DIRAS1: variants seen among roughly 807,000 people sequenced by gnomAD.
DIRAS1 encodes the protein DIRAS family GTPase 1, also known as GTP-binding protein Di-Ras1.
In DIRAS1, 3 loss-of-function variants were observed where a neutral mutation model predicts 11.5. The ratio of observed to expected loss-of-function variants is 0.26; its 90% CI spans 0.12 to 0.67. DIRAS1 has a LOEUF of 0.67. DIRAS1 is among the 30% of genes least tolerant of loss of function. DIRAS1 has a pLI of 0.80. For synonymous variants in DIRAS1, 128 were observed against 125.8 expected (o/e 1.02, Z -0.12); for missense variants, 212 against 285.3 (o/e 0.74, Z 1.85).
Position 2,717,095 on chromosome 19 carries a change from G to C in DIRAS1, c.*115C>G. ...GGGGGCGGTGGCCTCGGTTTCCCCA[G>C]CCGAGGTGTCGGAGGAAGGATGAGA... is the stretch of plus-strand genomic sequence containing the variant. On this transcript the variant is annotated 3_prime_UTR_variant, in exon 2 of 2. Transcript: ENST00000323469. The C allele has an allele frequency of 1.7e-6, 2 of 1,192,040 alleles. No homozygotes were observed. Among genetic ancestry groups the C allele is most frequent in the Non-Finnish European group, 2.3e-6 (2 of 862,878 alleles). The allele number at this position is 1,192,040 out of a possible 1,614,324, so 73.8% of individuals were successfully genotyped here. A position where few individuals can be genotyped will look rare whatever the true frequency, so the allele number is the denominator to read the frequency against.
At chr19:2,719,708 G>C (rs1200533689) in intron 1 of DIRAS1, among the ~76,000 whole-genome samples, 1 of 152,036 alleles carries the variant, frequency 6.6e-6, no homozygotes, top group Non-Finnish European at 1.5e-5. Flanking sequence ...GAGGTTCCCC[G>C]GGGGTCAGTG....
In DIRAS1 at chr19:2,715,256, A is replaced by C. The variant is rs1913758153; in HGVS notation, c.*1954T>G. Reference sequence around the variant, plus strand: ...ATGACTACAGAGACACATGTGTGCAATCTCTCTCTCTCTCTCACTGCACAA... The same window carrying C: ...ATGACTACAGAGACACATGTGTGCACTCTCTCTCTCTCTCTCACTGCACAA... On this transcript the variant is annotated 3_prime_UTR_variant, in exon 2 of 2. Transcript: ENST00000323469. 6.6e-6 allele frequency: 1 copy of C among 150,508 alleles called. No homozygotes were observed. The allele number at this position is 150,508 out of a possible 1,614,324, so 9.3% of individuals were successfully genotyped here.
At chr19:2,719,794 G>A (rs1488387584) in intron 1 of DIRAS1, among the ~76,000 whole-genome samples, 1 of 152,190 alleles carries the variant, frequency 6.6e-6, no homozygotes, top group Non-Finnish European at 1.5e-5. Flanking sequence ...CACTGTTGGG[G>A]CAAGTAAGGT....
chr19:2,721,132 GC>G (rs1455228715), intron 1 of DIRAS1, among the ~76,000 whole-genome samples, 171 bp downstream of exon 1: 11 of 144,272 alleles, frequency 7.6e-5, no homozygotes, highest in Non-Finnish European at 1.3e-4. Context: ...GGCCGGCCGG[GC>G]CCGGCGGGAA....
rs1394673549 is a variant in DIRAS1, at chr19:2,718,865, G to C, written c.-69-990C>G. Among the ~76,000 whole-genome samples the C allele has an allele frequency of 6.6e-6, 1 of 151,704 alleles. No individual in the cohort carries two copies. The highest frequency in any genetic ancestry group is 1.5e-5 in the Non-Finnish European group (1 of 68,004). ...AAACCAAGTCTTGCTCTGTTGCCCA[G>C]GTTGGAGTTCAGTGGTGCAATCTCG... On this transcript the variant is annotated intron_variant, in intron 1 of 1. Transcript: ENST00000323469. The surrounding 1 kb of genome is among the most constrained non-coding windows in gnomAD (Gnocchi z 4.2).
Position 2,715,295 on chromosome 19 carries a change from C to A in DIRAS1, c.*1915G>T, listed in dbSNP as rs1023279726. The A allele has an allele frequency of 6.6e-6, 1 of 152,206 alleles. No individual in the cohort carries two copies. Among genetic ancestry groups the A allele is most frequent in the Non-Finnish European group, 1.5e-5 (1 of 68,070 alleles). 9.4% of individuals were successfully genotyped at this position (152,206 alleles called of 1,614,324 possible). On this transcript the variant is annotated 3_prime_UTR_variant, in exon 2 of 2. Transcript: ENST00000323469. ...CTCACTGCACAAAAGGGCGTGCGCA[C>A]ACACACACGTTGCTTCCTCACACCC...
In DIRAS1 at chr19:2,716,009, GAC is replaced by G. The variant is rs1913779269; in HGVS notation, c.*1199_*1200del. 2 of 152,252 alleles carry G rather than the reference GAC, an allele frequency of 1.3e-5. No individual in the cohort carries two copies. Among genetic ancestry groups the G allele is most frequent in the African/African-American group, 4.8e-5 (2 of 41,418 alleles). The allele number at this position is 152,252 out of a possible 1,614,324, so 9.4% of individuals were successfully genotyped here. On this transcript the variant is annotated 3_prime_UTR_variant, in exon 2 of 2. Coordinates refer to ENST00000323469, the MANE Select transcript of DIRAS1 (RefSeq NM_145173.4). ...CCACAAAAACATATCATCCCAGACAGACACACACAGGTATACACGCAGATGCA... is the reference window on the plus strand; with the variant it reads ...CCACAAAAACATATCATCCCAGACAGACACACAGGTATACACGCAGATGCA...
rs781478643 is a variant in DIRAS1 at position 2,717,651 on chromosome 19, C to G, written c.156G>C (p.Lys52Asn). The change falls in exon 2 of 2, where the codon AAG (lysine) becomes AAC (asparagine). Residue 52 changes from lysine (K) to asparagine (N), a missense_variant. This residue lies in a region of DIRAS1 where 128 missense variants were observed against 205.3 expected (regional missense o/e 0.62). Coordinates refer to ENST00000323469, the MANE Select transcript of DIRAS1 (RefSeq NM_145173.4). ...DTYRQVISCD[K>N]SVCTLQITDT... Reference sequence around the variant, plus strand: ...CTGTGATCTGCAGCGTGCACACGCTCTTGTCGCAGCTGATCACCTGCCGGT... The same window carrying G: ...CTGTGATCTGCAGCGTGCACACGCTGTTGTCGCAGCTGATCACCTGCCGGT... 5 of 1,613,086 alleles carry G rather than the reference C, an allele frequency of 3.1e-6. No homozygotes were observed. Among genetic ancestry groups the G allele is most frequent in the Non-Finnish European group, 4.2e-6 (5 of 1,179,996 alleles).
chr19:2,718,132 G>A lies in DIRAS1; in HGVS notation c.-69-257C>T, dbSNP rs1352719649. Among the ~76,000 whole-genome samples the A allele has an allele frequency of 6.6e-6, 1 of 152,210 alleles. No individual in the cohort carries two copies. Among genetic ancestry groups the A allele is most frequent in the African/African-American group, 2.4e-5 (1 of 41,460 alleles). On this transcript the variant is annotated intron_variant, in intron 1 of 1. Coordinates refer to ENST00000323469, the MANE Select transcript of DIRAS1 (RefSeq NM_145173.4). This position sits in a 1 kb window ranked among gnomAD's most constrained non-coding sequence, Gnocchi z 4.2. ...TTCCCCGGGGGACGCTGAGCTAGGA[G>A]AGGCGTGGGAGACGCCGGGATGCCC...
In DIRAS1 at chr19:2,717,873, A is replaced by T. The variant is rs1913864598; in HGVS notation, c.-67T>A. 1.3e-6 allele frequency: 2 copies of T among 1,482,612 alleles called. No homozygotes were observed. Among genetic ancestry groups the T allele is most frequent in the Non-Finnish European group, 1.8e-6 (2 of 1,109,700 alleles). The allele number at this position is 1,482,612 out of a possible 1,614,324, so 91.8% of individuals were successfully genotyped here. A position where few individuals can be genotyped will look rare whatever the true frequency, so the allele number is the denominator to read the frequency against. On this transcript the variant is annotated splice_region_variant and 5_prime_UTR_variant, in exon 2 of 2. Coordinates refer to ENST00000323469, the MANE Select transcript of DIRAS1 (RefSeq NM_145173.4). The stretch of plus-strand genomic sequence containing the variant: ...TGCCAGCTGCAAGAACCCCAGACCG[A>T]GCCTGTGCAGAGAGGAGGGTCACAC...
At position 2,717,074 on chromosome 19, in the gene DIRAS1, G is replaced by A. The variant is rs989642407; in HGVS notation, c.*136C>T. On this transcript the variant is annotated 3_prime_UTR_variant, in exon 2 of 2. Coordinates refer to ENST00000323469, the MANE Select transcript of DIRAS1 (RefSeq NM_145173.4). ...GTGGGCAGGGGCAGCGGAGGGGGGG[G>A]CGGTGGCCTCGGTTTCCCCAGCCGA... The A allele has an allele frequency of 4.5e-6, 4 of 886,364 alleles. No individual in the cohort carries two copies. Among genetic ancestry groups the A allele is most frequent in the East Asian group, 5.3e-5 (2 of 38,024 alleles). The allele number at this position is 886,364 out of a possible 1,614,324, so 54.9% of individuals were successfully genotyped here.
chr19:2,718,666 C>T lies in DIRAS1; in HGVS notation c.-69-791G>A, dbSNP rs945524462. ...TCAGCCTCCCAAGTAGCTAGGATTA[C>T]AGGCATGCACCACAAAGCCCGGCTA... On this transcript the variant is annotated intron_variant, in intron 1 of 1. Coordinates refer to ENST00000323469, the MANE Select transcript of DIRAS1 (RefSeq NM_145173.4). The surrounding 1 kb of genome is among the most constrained non-coding windows in gnomAD (Gnocchi z 4.2). 1.3e-5 allele frequency among the ~76,000 whole-genome samples: 2 copies of T among 152,166 alleles called. No homozygotes were observed. The highest frequency in any genetic ancestry group is 4.8e-5 in the African/African-American group (2 of 41,432).
chr19:2,720,394 C>G (rs1203689107), intron 1 of DIRAS1, among the ~76,000 whole-genome samples: 1 of 152,218 alleles, frequency 6.6e-6, no homozygotes, highest in Non-Finnish European at 1.5e-5. Context: ...CCCCGAAGCC[C>G]ACGCCACTTC....
Position 2,716,859 on chromosome 19 carries a change from T to C in DIRAS1, c.*351A>G, listed in dbSNP as rs539361352. The C allele has an allele frequency of 3.7e-6, 1 of 269,824 alleles. No homozygotes were observed. Among genetic ancestry groups the C allele is most frequent in the Non-Finnish European group, 7.0e-6 (1 of 142,854 alleles). 16.7% of individuals were successfully genotyped at this position (269,824 alleles called of 1,614,324 possible). A position where few individuals can be genotyped will look rare whatever the true frequency, so the allele number is the denominator to read the frequency against. ...GCTGGGGACACCCCAGGGAAAGAGA[T>C]GGAAACGGGGAAACGCAGCCTCCTC... On this transcript the variant is annotated 3_prime_UTR_variant, in exon 2 of 2. Transcript: ENST00000323469.
At chr19:2,719,165 G>A (rs1253685028) in intron 1 of DIRAS1, 1 of 152,218 alleles carries the variant, frequency 6.6e-6, no homozygotes, top group Non-Finnish European at 1.5e-5. Context: ...CCATAAATGG[G>A]ATCCTGAGGC....
In DIRAS1 at chr19:2,714,679, G is replaced by T. The variant is rs1913742020; in HGVS notation, c.*2531C>A. 1 of 153,044 alleles carries T rather than the reference G, an allele frequency of 6.5e-6. No homozygotes were observed. Among genetic ancestry groups the T allele is most frequent in the African/African-American group, 2.4e-5 (1 of 41,472 alleles). The allele number at this position is 153,044 out of a possible 1,614,324, so 9.5% of individuals were successfully genotyped here. ...GGCACCCACATGCGGGGGGAGAGGG[G>T]GCAGGGGCGGAGTCACAGCAAGCAT... On this transcript the variant is annotated 3_prime_UTR_variant, in exon 2 of 2. Transcript: ENST00000323469.
At chr19:2,719,872 A>G (rs924816693) in intron 1 of DIRAS1, among the ~76,000 whole-genome samples, 1 of 152,222 alleles carries the variant, frequency 6.6e-6, no homozygotes, top group East Asian at 1.9e-4. Context: ...TTGTGATCAC[A>G]GTCACAAGGG....
Position 2,717,411 on chromosome 19 carries a change from C to T in DIRAS1, c.396G>A (p.Thr132=), listed in dbSNP as rs764257970. ...KCDETQREVD[T]REAQAVAQEW... is the part of the protein sequence containing the mutation. ...CCTGGGCCACCGCCTGCGCCTCGCG[C>T]GTGTCCACCTCCCGCTGCGTCTCAT... Residue 132 remains threonine (T), a synonymous_variant, in exon 2 of 2, where the codon ACG becomes ACA. Coordinates refer to ENST00000323469, the MANE Select transcript of DIRAS1 (RefSeq NM_145173.4). 1.9e-6 allele frequency: 3 copies of T among 1,607,772 alleles called. No individual in the cohort carries two copies. The highest frequency in any genetic ancestry group is 3.3e-5 in the Admixed American group (2 of 60,010).
chr19:2,719,330 A>G (rs1913900057), intron 1 of DIRAS1: 1 of 152,140 alleles, frequency 6.6e-6, no homozygotes, highest in Non-Finnish European at 1.5e-5. Flanking sequence ...AAATCAAACT[A>G]TGGCCTGGTG....
Sources: gnomAD v4.1 joint callset for allele counts (sites outside exome capture counted in the v4.1 genomes callset) on GRCh38, gnomAD v4.1.1 for gene constraint, gnomAD v4.1.1 regional missense constraint, Gnocchi (gnomAD v3.1) non-coding constraint, MANE v1.5 for transcripts, NCBI Gene and HGNC (gene_info 2026-07-23, HGNC 2026-07-21) for gene names.